Variants in PCDHA11 observed in about 807,000 individuals in gnomAD.
PCDHA11 encodes protocadherin alpha 11.
PCDHA11 carries 61 observed loss-of-function variants against 70.3 expected under a neutral mutation model. The ratio of observed to expected loss-of-function variants is 0.87; its 90% CI spans 0.71 to 1.07. PCDHA11 has a LOEUF of 1.07. Ranked by LOEUF, PCDHA11 falls within the 50% of genes least tolerant of loss-of-function variation. The probability of loss-of-function intolerance (pLI) is 0.00; values close to 1 mark genes in which losing one functional copy is unlikely to be tolerated. For synonymous variants in PCDHA11, 633 were observed against 555.1 expected, an observed-to-expected ratio of 1.14 and a Z score of -1.97; for missense variants, 1,324 against 1,237.5, an observed-to-expected ratio of 1.07 and a Z score of -1.05.
At chr5:140,908,013 G>A (rs2073743163) in intron 1 of PCDHA11, among the ~76,000 whole-genome samples, 1 of 152,070 alleles carries the variant, frequency 6.6e-6, no homozygotes, top group Non-Finnish European at 1.5e-5. Context: ...CAAACCACTG[G>A]CTACAGCCCA....
intron 1 of PCDHA11, chr5:140,882,018 A>G (rs2058907575): frequency 1.8e-6 from 1 of 559,242 alleles, no homozygotes; most frequent in South Asian, 4.1e-5. Flanking sequence ...AAAATACTAC[A>G]TCAATGGAAA....
chr5:140,882,302 C>A, intron 1 of PCDHA11: 1 of 1,613,798 alleles, frequency 6.2e-7, no homozygotes, highest in Non-Finnish European at 8.5e-7. Context: ...CCCAAGACCG[C>A]GGCAACTACT....
chr5:140,968,094 A>G, intron 1 of PCDHA11: 1 of 1,614,138 alleles, frequency 6.2e-7, no homozygotes. Flanking sequence ...ACAGCCACAG[A>G]TGGGGGAATA....
At chr5:140,917,127 C>T (rs1286418907) in intron 1 of PCDHA11, among the ~76,000 whole-genome samples, 1 of 152,072 alleles carries the variant, frequency 6.6e-6, no homozygotes, top group African/African-American at 2.4e-5. Context: ...CGCAGACTCC[C>T]CACGTTGCTC....
chr5:140,933,739 G>A (rs531821370), intron 1 of PCDHA11, among the ~76,000 whole-genome samples: 18 of 151,856 alleles, frequency 1.2e-4, no homozygotes, highest in Admixed American at 3.9e-4. Flanking sequence ...TTAAATATTT[G>A]GTAGAATTCA....
intron 1 of PCDHA11, chr5:140,926,750 G>T: frequency 8.0e-7 from 1 of 1,256,516 alleles, no homozygotes; most frequent in East Asian, 2.9e-5. Context: ...AACGTCGGCG[G>T]TCGCTGAGTA....
At chr5:140,982,434 T>A in intron 2 of PCDHA11, 41 bp from the exon 3 acceptor site, 1 of 1,613,270 alleles carries the variant, frequency 6.2e-7, no homozygotes, top group Non-Finnish European at 8.5e-7. Flanking sequence ...TGGGAAAGAA[T>A]TTATGATCTA....
rs762916391 is a variant in PCDHA11, at chr5:140,927,929, C to T, written c.2392-51020C>T. 13 of 1,614,090 alleles carry T rather than the reference C, an allele frequency of 8.1e-6. No homozygotes were observed. The highest frequency in any genetic ancestry group is 5.0e-5 in the Admixed American group (3 of 60,008). ...CCCGAACTGGACTTCCTGACTCTTT[C>T]GAACCCAGTACCTGAGGACGCTGCC... On this transcript the variant is annotated intron_variant, in intron 1 of 3. Transcript: ENST00000398640.
intron 3 of PCDHA11, among the ~76,000 whole-genome samples, chr5:141,007,519 T>A (rs1554261363): frequency 6.6e-6 from 1 of 151,934 alleles, no homozygotes; most frequent in African/African-American, 2.4e-5. Context: ...AGTGAGCTGA[T>A]ATCTCGCCAC....
intron 1 of PCDHA11, among the ~76,000 whole-genome samples, chr5:140,971,942 C>A (rs2153791969): frequency 6.6e-6 from 1 of 152,140 alleles, no homozygotes; most frequent in Middle Eastern, 3.4e-3. Flanking sequence ...AAGTTGTATC[C>A]ATCTGACTCC....
Position 141,009,714 on chromosome 5 carries a change from A to G in PCDHA11, c.2627A>G (p.Lys876Arg), listed in dbSNP as rs1175529844. 1 of 1,613,966 alleles carries G rather than the reference A, an allele frequency of 6.2e-7. No homozygotes were observed. Among genetic ancestry groups the G allele is most frequent in the Non-Finnish European group, 8.5e-7 (1 of 1,180,012 alleles). Reference protein sequence around the residue: ...WTFKYGPGNPKQSGPGELPDK... With the variant: ...WTFKYGPGNPRQSGPGELPDK... ...TTTAAATACGGACCAGGCAACCCCA[A>G]ACAATCCGGTCCCGGTGAGTTGCCC... The change falls in exon 4 of 4, where the codon AAA becomes AGA. Residue 876 changes from lysine to arginine, a missense_variant. By Grantham distance (26) the Lys-to-Arg change is conservative. Transcript: ENST00000398640.
At chr5:140,978,904 A>G (rs2096828000) in intron 1 of PCDHA11, 45 bp from the exon 2 acceptor site, 2 of 1,613,322 alleles carry the variant, frequency 1.2e-6, no homozygotes, top group Non-Finnish European at 8.5e-7. Flanking sequence ...CTGGGAGAAC[A>G]TTGTCTTGTC....
At chr5:140,927,153 C>T in intron 1 of PCDHA11, 1 of 1,614,190 alleles carries the variant, frequency 6.2e-7, no homozygotes, top group Non-Finnish European at 8.5e-7. Context: ...AACAGCTGTG[C>T]AGGGCCAAAG....
At chr5:140,971,643 T>C (rs2096490301) in intron 1 of PCDHA11, among the ~76,000 whole-genome samples, 2 of 152,134 alleles carry the variant, frequency 1.3e-5, no homozygotes, top group African/African-American at 4.8e-5. Flanking sequence ...TGTGCCTACA[T>C]TAAAAGTAGA....
chr5:140,910,791 G>A (rs1471299729), intron 1 of PCDHA11, among the ~76,000 whole-genome samples: 2 of 152,140 alleles, frequency 1.3e-5, no homozygotes, highest in Non-Finnish European at 2.9e-5. Context: ...ATTAAATGCA[G>A]AATCCCTGCT....
At position 140,869,434 on chromosome 5, in the gene PCDHA11, G is replaced by A; in HGVS notation, c.331G>A (p.Asp111Asn). ...ECSIHLEVIV[D>N]RPLQVFHVNV... ...CAGCATCCACCTGGAGGTGATCGTG[G>A]ACAGGCCGCTGCAGGTTTTCCATGT... Residue 111 changes from aspartate to asparagine, a missense_variant, in exon 1 of 4, where the codon GAC (aspartate) becomes AAC (asparagine). Asp to Asn is a conservative substitution (Grantham distance 23, BLOSUM62 1). Transcript: ENST00000398640. 1 of 1,614,218 alleles carries A rather than the reference G, an allele frequency of 6.2e-7. No homozygotes were observed. Among genetic ancestry groups the A allele is most frequent in the Non-Finnish European group, 8.5e-7 (1 of 1,180,046 alleles).
intron 1 of PCDHA11, among the ~76,000 whole-genome samples, chr5:140,911,992 A>T (rs904624481): frequency 6.6e-6 from 1 of 152,342 alleles, no homozygotes; most frequent in East Asian, 1.9e-4. Flanking sequence ...ACAAGGTCCC[A>T]CAATAGGCCA....
At chr5:140,871,654 A>G in intron 1 of PCDHA11, 160 bp downstream of exon 1, 3 of 1,238,202 alleles carry the variant, frequency 2.4e-6, no homozygotes, top group East Asian at 2.6e-5. Context: ...CAAATGATAC[A>G]CATCTTCAGT....
At chr5:140,941,197 TTCTTC>T (rs1554213863) in intron 1 of PCDHA11, among the ~76,000 whole-genome samples, 1 of 112,110 alleles carries the variant, frequency 8.9e-6, no homozygotes. Context: ...TTTTTTTTCT[TTCTTC>T]CTTTCTTTCT....
Sources: allele counts gnomAD v4.1 joint callset (sites outside exome capture counted in the v4.1 genomes callset), GRCh38; gene constraint gnomAD v4.1.1; transcripts MANE v1.5; gene names NCBI Gene and HGNC (gene_info 2026-07-23, HGNC 2026-07-21).